Variants in FNDC3B observed in about 807,000 individuals in gnomAD.
The protein encoded by FNDC3B is fibronectin type III domain-containing protein 3B.
Under a neutral mutation model 151.5 loss-of-function variants are expected in FNDC3B, and 12 were observed. The observed-to-expected ratio is 0.08, with a 90% CI of 0.05 to 0.13. The LOEUF is 0.13. FNDC3B is among the 10% of genes least tolerant of loss of function. The pLI, the probability that FNDC3B is intolerant of heterozygous loss-of-function variation, is 1.00. For missense variants in FNDC3B, 1,214 were observed against 1,505.3 expected, an observed-to-expected ratio of 0.81 and a Z score of 3.20; for synonymous variants, 528 against 549.0, an observed-to-expected ratio of 0.96 and a Z score of 0.54.
intron 1 of FNDC3B, 107 bp from the exon 2 acceptor site, chr3:172,112,345 T>C: frequency 1.5e-6 from 1 of 683,726 alleles, no homozygotes; most frequent in South Asian, 1.7e-5. Context: ...CAAATTAGAA[T>C]AACTTGGGTT....
In FNDC3B at chr3:172,399,746, A is replaced by T. The variant is rs1384151809; in HGVS notation, c.*2271A>T. ...TTTTTAAGCAATGAAAATTCAACTG[A>T]GTACAAAGCCCCCTCTTGGGGGGTT... On this transcript the variant is annotated 3_prime_UTR_variant, in exon 26 of 26. Transcript: ENST00000415807. The T allele has an allele frequency of 6.5e-6, 1 of 152,770 alleles. No individual in the cohort carries two copies. The highest frequency in any genetic ancestry group is 1.9e-4 in the East Asian group (1 of 5,188). The allele number at this position is 152,770 out of a possible 1,614,324, so 9.5% of individuals were successfully genotyped here.
chr3:172,169,282 A>AG (rs1723172989), intron 3 of FNDC3B, among the ~76,000 whole-genome samples: 1 of 152,200 alleles, frequency 6.6e-6, no homozygotes, highest in Admixed American at 6.5e-5. Context: ...GAGCAAGTGA[A>AG]GGGGTTGCCT....
At chr3:172,283,188 G>A (rs751519269) in intron 6 of FNDC3B, among the ~76,000 whole-genome samples, 7 of 152,140 alleles carry the variant, frequency 4.6e-5, no homozygotes, top group Non-Finnish European at 8.8e-5. Flanking sequence ...CCTTTCCCTT[G>A]TATTTCTGGC....
intron 23 of FNDC3B, among the ~76,000 whole-genome samples, chr3:172,372,099 C>T (rs1027464243): frequency 2.6e-5 from 4 of 152,184 alleles, no homozygotes; most frequent in South Asian, 4.1e-4. Flanking sequence ...GGTTATAGAA[C>T]GCACCATTAC....
At chr3:172,212,964 G>C (rs1028132400) in intron 3 of FNDC3B, among the ~76,000 whole-genome samples, 1 of 152,320 alleles carries the variant, frequency 6.6e-6, no homozygotes, top group South Asian at 2.1e-4. Context: ...AAACAATTCA[G>C]TTGAGATTAA....
intron 1 of FNDC3B, among the ~76,000 whole-genome samples, chr3:172,102,634 A>G (rs1278564399): frequency 6.6e-6 from 1 of 152,198 alleles, no homozygotes; most frequent in Non-Finnish European, 1.5e-5. Context: ...ACAGTCCTGA[A>G]AAGCAGTGGG....
At chr3:172,059,472 G>A (rs913512317) in intron 1 of FNDC3B, among the ~76,000 whole-genome samples, 5 of 152,024 alleles carry the variant, frequency 3.3e-5, no homozygotes. Context: ...CCTGATACTC[G>A]GCATTTGGGA....
intron 2 of FNDC3B, among the ~76,000 whole-genome samples, chr3:172,117,892 T>G (rs895363621): frequency 6.6e-6 from 1 of 152,254 alleles, no homozygotes; most frequent in African/African-American, 2.4e-5. Context: ...TAGAACTCCT[T>G]AAACATATAC....
intron 3 of FNDC3B, among the ~76,000 whole-genome samples, chr3:172,211,440 C>T (rs981760738): frequency 9.2e-5 from 14 of 152,148 alleles, no homozygotes; most frequent in Non-Finnish European, 1.5e-5. Flanking sequence ...ATTTCCCACA[C>T]CTTGGACATA....
At chr3:172,121,790 C>G (rs1187020056) in intron 2 of FNDC3B, among the ~76,000 whole-genome samples, 2 of 152,170 alleles carry the variant, frequency 1.3e-5, no homozygotes, top group African/African-American at 2.4e-5. Flanking sequence ...TGGTCTTGAA[C>G]TCCTGGGCTC....
chr3:172,365,139 G>A (rs1336186696), intron 23 of FNDC3B, among the ~76,000 whole-genome samples: 2 of 152,188 alleles, frequency 1.3e-5, no homozygotes, highest in Non-Finnish European at 2.9e-5. Context: ...AACAATTTGA[G>A]TTGGATACAT....
chr3:172,378,180 G>A, intron 23 of FNDC3B, 90 bp from the exon 24 acceptor site: 1 of 1,183,792 alleles, frequency 8.4e-7, no homozygotes, highest in East Asian at 2.4e-5. Context: ...TACCAGGTTG[G>A]CCTAATCTGC....
intron 2 of FNDC3B, among the ~76,000 whole-genome samples, chr3:172,113,622 T>C (rs1720095609): frequency 6.6e-6 from 1 of 152,240 alleles, no homozygotes. Flanking sequence ...GATAACTCCC[T>C]TCCTGATTCC....
chr3:172,340,993 TTAAAA>T, intron 16 of FNDC3B, 115 bp from the exon 17 acceptor site: 1 of 715,090 alleles, frequency 1.4e-6, no homozygotes, highest in Admixed American at 2.2e-5. Context: ...TTCTGGCTAT[TTAAAA>T]AGAAAAAGAA....
chr3:172,116,108 G>A (rs972908127), intron 2 of FNDC3B, among the ~76,000 whole-genome samples: 2 of 152,170 alleles, frequency 1.3e-5, no homozygotes, highest in African/African-American at 4.8e-5. Flanking sequence ...AGGTAGGAGG[G>A]AAAGGGCAAG....
chr3:172,125,524 G>A (rs932712344), intron 2 of FNDC3B, among the ~76,000 whole-genome samples: 1 of 152,154 alleles, frequency 6.6e-6, no homozygotes, highest in African/African-American at 2.4e-5. Flanking sequence ...GTCTCACCCT[G>A]GAGTTAGGAG....
At chr3:172,043,260 T>C (rs1344634476) in intron 1 of FNDC3B, among the ~76,000 whole-genome samples, 1 of 152,230 alleles carries the variant, frequency 6.6e-6, no homozygotes, top group Non-Finnish European at 1.5e-5. Context: ...AAATTTCCAC[T>C]TGTGGCTAGT....
rs1054843187 is a variant in FNDC3B at position 172,353,622 on chromosome 3, G to A, written c.2795+539G>A. On this transcript the variant is annotated intron_variant, in intron 22 of 25. Coordinates refer to ENST00000415807, the MANE Select transcript of FNDC3B (RefSeq NM_022763.4). ...TTTACTAATTAAATGCCAGGTAACCGTTGAAATTATCAAAAACATCTTCCA... is the reference window on the plus strand; with the variant it reads ...TTTACTAATTAAATGCCAGGTAACCATTGAAATTATCAAAAACATCTTCCA... Among the ~76,000 whole-genome samples, 14 of 152,276 alleles carry A rather than the reference G, an allele frequency of 9.2e-5. 1 individual carries two copies. The highest frequency in any genetic ancestry group is 6.8e-3 in the Middle Eastern group (2 of 294).
At chr3:172,286,929 TG>T (rs1338689413) in intron 7 of FNDC3B, among the ~76,000 whole-genome samples, 2 of 152,146 alleles carry the variant, frequency 1.3e-5, no homozygotes, top group African/African-American at 4.8e-5. Context: ...TGAAAGGCTA[TG>T]GGAGTCAAAA....
Sources: allele counts gnomAD v4.1 joint callset (sites outside exome capture counted in the v4.1 genomes callset), GRCh38; gene constraint gnomAD v4.1.1; transcripts MANE v1.5; gene names NCBI Gene and HGNC (gene_info 2026-07-23, HGNC 2026-07-21).